Variants in MGAT4C observed in about 807,000 individuals in gnomAD.
MGAT4C encodes MGAT4 family member C.
In MGAT4C, 19 loss-of-function variants were observed where a neutral mutation model predicts 40.1. The observed-to-expected ratio is 0.47, with a 90% confidence interval of 0.33 to 0.70. The LOEUF (loss-of-function observed/expected upper bound fraction) is 0.70, where lower values mean the gene tolerates loss of function less well. MGAT4C is among the 30% of genes least tolerant of loss of function. The probability of loss-of-function intolerance (pLI) is 0.02; values close to 1 mark genes in which losing one functional copy is unlikely to be tolerated. For missense variants in MGAT4C, 491 were observed against 563.2 expected, an observed-to-expected ratio of 0.87 and a Z score of 1.30; for synonymous variants, 181 against 187.1, an observed-to-expected ratio of 0.97 and a Z score of 0.27.
rs1032953715 is a variant in MGAT4C at position 86,159,289 on chromosome 12, A to G, written c.-57+96950T>C. ...TCATTTTCCGAGTATTGAGACGATT[A>G]TATTGTTTGATTTTTTTATGCAGTG... is the stretch of plus-strand genomic sequence containing the variant. On this transcript the variant is annotated intron_variant, in intron 1 of 4. Coordinates refer to ENST00000611864, the MANE Select transcript of MGAT4C (RefSeq NM_001351288.2). Among the ~76,000 whole-genome samples, 4 of 151,868 alleles carry G rather than the reference A, an allele frequency of 2.6e-5. No individual in the cohort carries two copies. In the South Asian group the frequency reaches 8.3e-4, roughly 32 times the overall value.
chr12:86,116,063 G>A (rs1878362998), intron 1 of MGAT4C, among the ~76,000 whole-genome samples: 1 of 151,968 alleles, frequency 6.6e-6, no homozygotes, highest in African/African-American at 2.4e-5. Flanking sequence ...ACATCCCCGA[G>A]AAATGAATAT....
chr12:86,684,859 A>G (rs1326111661), intron 2 of MGAT4C, among the ~76,000 whole-genome samples: 1 of 151,454 alleles, frequency 6.6e-6, no homozygotes, highest in Non-Finnish European at 1.5e-5. Flanking sequence ...TGTTCATATC[A>G]TTCACCAACT....
rs115636027 is a variant in MGAT4C, at chr12:86,435,065, T to A, written c.-120+92A>T. On this transcript the variant is annotated intron_variant, in intron 3 of 7. Coordinates refer to the MGAT4C transcript ENST00000548651. ...AAACATTTTCTGACTTATAAACATA[T>A]AACAGAGTCTCCTCTCCCTGACCAC... 3.0e-3 allele frequency: 458 copies of A among 152,048 alleles called. 1 individual carries two copies. Among genetic ancestry groups the A allele is most frequent in the African/African-American group, 0.01 (428 of 41,554 alleles). The allele number at this position is 152,048 out of a possible 1,614,324, so 9.4% of individuals were successfully genotyped here.
At chr12:86,446,006 C>T (rs1474920962) in intron 2 of MGAT4C, among the ~76,000 whole-genome samples, 2 of 151,934 alleles carry the variant, frequency 1.3e-5, no homozygotes, top group African/African-American at 4.8e-5. Context: ...CTGGGTTGTT[C>T]ACTTAAGAAT....
At chr12:86,240,483 AT>A (rs2136043160) in intron 1 of MGAT4C, among the ~76,000 whole-genome samples, 2 of 152,218 alleles carry the variant, frequency 1.3e-5, no homozygotes, top group South Asian at 4.1e-4. Context: ...AACTTTTAAA[AT>A]AAACTCTTCA....
At chr12:86,440,664 A>G (rs1371459412) in intron 2 of MGAT4C, among the ~76,000 whole-genome samples, 1 of 152,050 alleles carries the variant, frequency 6.6e-6, no homozygotes, top group Non-Finnish European at 1.5e-5. Flanking sequence ...ATACATCCAA[A>G]TCAGAAAATA....
At chr12:86,311,953 T>G (rs1954088244) in intron 4 of MGAT4C, among the ~76,000 whole-genome samples, 1 of 152,152 alleles carries the variant, frequency 6.6e-6, no homozygotes, top group Admixed American at 6.5e-5. Flanking sequence ...CATGGGGCTT[T>G]GCCCAAGGCA....
intron 3 of MGAT4C, among the ~76,000 whole-genome samples, chr12:86,371,970 T>C (rs1955723028): frequency 6.6e-6 from 1 of 151,896 alleles, no homozygotes; most frequent in Non-Finnish European, 1.5e-5. Context: ...GTATTCAACA[T>C]TTGCCTTTGG....
chr12:86,539,849 C>T (rs1373194332), intron 2 of MGAT4C, among the ~76,000 whole-genome samples: 1 of 152,100 alleles, frequency 6.6e-6, no homozygotes, highest in East Asian at 1.9e-4. Flanking sequence ...ATATCCTTTG[C>T]CCACTTTTTG....
intron 1 of MGAT4C, among the ~76,000 whole-genome samples, chr12:86,809,856 T>C (rs780237021): frequency 6.6e-6 from 1 of 152,188 alleles, no homozygotes; most frequent in Non-Finnish European, 1.5e-5. Context: ...AGAGCCCATA[T>C]ATTTCTATTT....
intron 1 of MGAT4C, among the ~76,000 whole-genome samples, chr12:86,759,472 A>G (rs1405087425): frequency 6.6e-6 from 1 of 152,092 alleles, no homozygotes; most frequent in Non-Finnish European, 1.5e-5. Flanking sequence ...ACTGTTTTTC[A>G]GAATAGGTGT....
chr12:86,512,454 A>C (rs1347277463), intron 2 of MGAT4C, among the ~76,000 whole-genome samples: 2 of 152,136 alleles, frequency 1.3e-5, no homozygotes, highest in Non-Finnish European at 2.9e-5. Flanking sequence ...AGATATTTGC[A>C]CTTCCATGCA....
chr12:86,278,818 A>G (rs1953140973), intron 4 of MGAT4C, among the ~76,000 whole-genome samples: 4 of 151,998 alleles, frequency 2.6e-5, no homozygotes, highest in Admixed American at 2.6e-4. Context: ...ACTCTGTCAT[A>G]TATGGCTTTT....
Position 86,764,715 on chromosome 12 carries a change from C to T in MGAT4C, c.-261-37474G>A, listed in dbSNP as rs565258882. Among the ~76,000 whole-genome samples, 10 of 152,178 alleles carry T rather than the reference C, an allele frequency of 6.6e-5. No individual in the cohort carries two copies. In the South Asian group the frequency reaches 8.3e-4, roughly 13 times the overall value. ...GCAGCATTCGCAGTTCAGGAAAATC[C>T]GCTGTTCTGCAGCCACCACTGCTGA... On this transcript the variant is annotated intron_variant, in intron 1 of 7. Transcript: ENST00000548651.
In MGAT4C at chr12:86,826,378, C is replaced by G. The variant is rs528605812; in HGVS notation, c.-262+12288G>C. Among the ~76,000 whole-genome samples, 74 of 151,482 alleles carry G rather than the reference C, an allele frequency of 4.9e-4. 1 individual carries two copies. The highest frequency in any genetic ancestry group is 4.4e-5 in the Non-Finnish European group (3 of 67,616). On this transcript the variant is annotated intron_variant, in intron 1 of 7. Transcript: ENST00000548651. ...ACAGGGCAGGATTAGGTTATAAAAACTGGCTGCAATTGAGGACTCTCAAAA... is the reference window on the plus strand; with the variant it reads ...ACAGGGCAGGATTAGGTTATAAAAAGTGGCTGCAATTGAGGACTCTCAAAA...
At chr12:86,721,422 A>T (rs1038194911) in intron 2 of MGAT4C, among the ~76,000 whole-genome samples, 1 of 151,892 alleles carries the variant, frequency 6.6e-6, no homozygotes, top group East Asian at 1.9e-4. Flanking sequence ...GAAATGCACC[A>T]TAAGAAAAAA....
intron 2 of MGAT4C, among the ~76,000 whole-genome samples, chr12:86,661,787 A>T (rs141104119): frequency 0.012 from 1,792 of 152,158 alleles, 13 homozygotes; most frequent in Middle Eastern, 0.017. Flanking sequence ...AAAAATGCAA[A>T]AATTAGCCGG....
intron 2 of MGAT4C, among the ~76,000 whole-genome samples, chr12:86,548,825 T>C (rs997935883): frequency 6.6e-6 from 1 of 152,210 alleles, no homozygotes; most frequent in African/African-American, 2.4e-5. Flanking sequence ...GTGAAGAATT[T>C]AGAACTGTGT....
chr12:86,678,393 A>G (rs1949907341), intron 2 of MGAT4C, among the ~76,000 whole-genome samples: 1 of 151,878 alleles, frequency 6.6e-6, no homozygotes. Context: ...TACCTACTGT[A>G]AGAACTTCCA....
Sources: gnomAD v4.1 joint callset for allele counts (sites outside exome capture counted in the v4.1 genomes callset) on GRCh38, gnomAD v4.1.1 for gene constraint, MANE v1.5 for transcripts, NCBI Gene and HGNC (gene_info 2026-07-23, HGNC 2026-07-21) for gene names.